The following SLC25A31 variants were observed in gnomAD, a reference collection of about 807,000 sequenced individuals.
SLC25A31 encodes solute carrier family 25 member 31, also known as ADP/ATP translocase 4.
In SLC25A31, 40 loss-of-function variants were observed where a neutral mutation model predicts 36.2. The observed-to-expected ratio is 1.10, with a 90% CI of 0.86 to 1.44. The LOEUF is 1.44. Ranked by LOEUF, SLC25A31 falls within the 40% of genes most tolerant of loss-of-function variation. SLC25A31 has a pLI of 0.00. For missense variants in SLC25A31, 350 were observed against 397.1 expected, an observed-to-expected ratio of 0.88 and a Z score of 1.01; for synonymous variants, 143 against 149.7, an observed-to-expected ratio of 0.96 and a Z score of 0.32.
intron 2 of SLC25A31, among the ~76,000 whole-genome samples, chr4:127,758,153 G>A (rs376703405): frequency 3.3e-5 from 5 of 152,046 alleles, no homozygotes; most frequent in Admixed American, 6.5e-5. Flanking sequence ...CACCACCCCC[G>A]GGTCCTTCCC....
At chr4:127,769,136 G>GTTAT in intron 5 of SLC25A31, among the ~76,000 whole-genome samples, 1 of 152,242 alleles carries the variant, frequency 6.6e-6, no homozygotes, top group Non-Finnish European at 1.5e-5. Context: ...AAGGTAGAGG[G>GTTAT]TTATGGCAGA....
chr4:127,731,722 G>T (rs1281684158), intron 1 of SLC25A31, among the ~76,000 whole-genome samples: 2 of 151,696 alleles, frequency 1.3e-5, no homozygotes, highest in South Asian at 2.1e-4. Context: ...TTCCGTTTCC[G>T]AAGCCCCTCT....
chr4:127,766,524 G>T (rs1044901459), intron 3 of SLC25A31, among the ~76,000 whole-genome samples: 1 of 152,004 alleles, frequency 6.6e-6, no homozygotes, highest in African/African-American at 2.4e-5. Context: ...TAGAGACAGG[G>T]TCTTACTCTG....
In SLC25A31 at chr4:127,773,542, G is replaced by T. The variant is rs577470030; in HGVS notation, c.916G>T (p.Glu306Ter). The change falls in exon 6 of 6, where the codon GAA becomes TAA. Residue 306 changes from glutamate (E) to a stop codon, truncating the protein, a stop_gained. Coordinates refer to ENST00000281154, the MANE Select transcript of SLC25A31 (RefSeq NM_031291.4). LOFTEE classifies it high-confidence loss of function. The stretch of plus-strand genomic sequence containing the variant: ...GTTGGTATTATATGATAAAATTAAA[G>T]AATTCTTTCATATTGATATTGGTGG... ...LVLVLYDKIK[E>*]FFHIDIGGR is the part of the protein sequence containing the mutation. The T allele has an allele frequency of 2.7e-5, 44 of 1,601,716 alleles. No homozygotes were observed. The South Asian group carries it at 4.5e-4, about 17-fold the overall frequency.
intron 2 of SLC25A31, among the ~76,000 whole-genome samples, chr4:127,754,503 TA>T (rs1417944752): frequency 4.0e-5 from 6 of 150,268 alleles, no homozygotes; most frequent in Non-Finnish European, 8.9e-5. Context: ...TGAATTCTTT[TA>T]ACAAGAAATA....
At chr4:127,749,088 A>G (rs1026634235) in intron 2 of SLC25A31, among the ~76,000 whole-genome samples, 2 of 151,958 alleles carry the variant, frequency 1.3e-5, no homozygotes, top group African/African-American at 4.8e-5. Context: ...AAAAAAAAAA[A>G]CAGAACAAAA....
chr4:127,748,084 G>A (rs941988163), intron 2 of SLC25A31, among the ~76,000 whole-genome samples: 16 of 152,146 alleles, frequency 1.1e-4, no homozygotes, highest in African/African-American at 3.6e-4. Context: ...TATCATAGGC[G>A]TGGAATGTGA....
chr4:127,741,511 A>G (rs1731731746), intron 1 of SLC25A31, among the ~76,000 whole-genome samples: 1 of 152,200 alleles, frequency 6.6e-6, no homozygotes, highest in Non-Finnish European at 1.5e-5. Context: ...AATGCGGTAT[A>G]TGACATTTAC....
At chr4:127,735,726 TTAATGTATACTA>T (rs1731611586) in intron 1 of SLC25A31, among the ~76,000 whole-genome samples, 1 of 151,322 alleles carries the variant, frequency 6.6e-6, no homozygotes, top group Non-Finnish European at 1.5e-5. Flanking sequence ...ATATAATTTA[TTAATGTATACTA>T]TTTGGAAGTC....
At chr4:127,751,000 C>CTT (rs762609901) in intron 2 of SLC25A31, among the ~76,000 whole-genome samples, 7 of 152,250 alleles carry the variant, frequency 4.6e-5, no homozygotes, top group Non-Finnish European at 8.8e-5. Flanking sequence ...AAGAGGCTTA[C>CTT]TTTAGCCTTA....
chr4:127,773,687 T>A lies in SLC25A31; in HGVS notation c.*113T>A. 1.2e-6 allele frequency: 1 copy of A among 809,416 alleles called. No homozygotes were observed. The highest frequency in any genetic ancestry group is 1.8e-6 in the Non-Finnish European group (1 of 559,390). The allele number at this position is 809,416 out of a possible 1,614,324, so 50.1% of individuals were successfully genotyped here. A position where few individuals can be genotyped will look rare whatever the true frequency, so the allele number is the denominator to read the frequency against. On this transcript the variant is annotated 3_prime_UTR_variant, in exon 6 of 6. Transcript: ENST00000281154. ...TATTGTCTGTATTTTGTTAAAGTGC[T>A]AGTTCTGCAATAAAGCATACATTTT...
chr4:127,753,889 AG>A (rs1333001761), intron 2 of SLC25A31, among the ~76,000 whole-genome samples: 30 of 152,130 alleles, frequency 2.0e-4, no homozygotes, highest in Admixed American at 9.8e-4. Flanking sequence ...CAGCGTCCCT[AG>A]TGAACAAACA....
rs751939242 is a variant in SLC25A31, at chr4:127,730,549, C to A, written c.4C>A (p.His2Asn). The A allele has an allele frequency of 1.2e-6, 2 of 1,613,318 alleles. No homozygotes were observed. The highest frequency in any genetic ancestry group is 3.3e-5 in the Admixed American group (2 of 60,020). M[H>N]REPAKKKAEK... Reference sequence around the variant, plus strand: ...GGTTTTTATATCCTTCTCCATCATGCATCGTGAGCCTGCGAAAAAGAAGGC... The same window carrying A: ...GGTTTTTATATCCTTCTCCATCATGAATCGTGAGCCTGCGAAAAAGAAGGC... Residue 2 changes from histidine to asparagine, a missense_variant, in exon 1 of 6, where the codon CAT (histidine) becomes AAT (asparagine). Coordinates refer to ENST00000281154, the MANE Select transcript of SLC25A31 (RefSeq NM_031291.4).
intron 2 of SLC25A31, among the ~76,000 whole-genome samples, chr4:127,746,114 A>C (rs923900299): frequency 6.6e-6 from 1 of 152,146 alleles, no homozygotes; most frequent in African/African-American, 2.4e-5. Context: ...AACTCTGTTC[A>C]TGTTCCCACA....
chr4:127,757,288 T>C (rs1448004280), intron 2 of SLC25A31, among the ~76,000 whole-genome samples: 1 of 152,198 alleles, frequency 6.6e-6, no homozygotes, highest in African/African-American at 2.4e-5. Flanking sequence ...TCCCCCACTT[T>C]CCTCCCTGCT....
intron 2 of SLC25A31, among the ~76,000 whole-genome samples, chr4:127,756,685 T>C (rs1193671270): frequency 6.6e-6 from 1 of 152,190 alleles, no homozygotes; most frequent in Non-Finnish European, 1.5e-5. Flanking sequence ...ACCCCATAAA[T>C]ATATACAATT....
At position 127,767,240 on chromosome 4, in the gene SLC25A31, T is replaced by C. The variant is rs1456162228; in HGVS notation, c.633+20T>C. On this transcript the variant is annotated intron_variant, in intron 4 of 5. Coordinates refer to ENST00000281154, the MANE Select transcript of SLC25A31 (RefSeq NM_031291.4). ...GTTAAGGTAATCTGGGGGCTTTAAC[T>C]TGGACATATTAAATATATGGTTTCC... 1 of 1,489,062 alleles carries C rather than the reference T, an allele frequency of 6.7e-7. No homozygotes were observed. The highest frequency in any genetic ancestry group is 9.0e-7 in the Non-Finnish European group (1 of 1,117,000). 92.2% of individuals were successfully genotyped at this position (1,489,062 alleles called of 1,614,324 possible).
At position 127,744,559 on chromosome 4, in the gene SLC25A31, T is replaced by C. The variant is rs1402932962; in HGVS notation, c.233-113T>C. 6.4e-6 allele frequency: 6 copies of C among 937,866 alleles called. No individual in the cohort carries two copies. In the East Asian group the frequency reaches 1.7e-4, roughly 27 times the overall value. 58.1% of individuals were successfully genotyped at this position (937,866 alleles called of 1,614,324 possible). On this transcript the variant is annotated intron_variant, in intron 1 of 5. Coordinates refer to ENST00000281154, the MANE Select transcript of SLC25A31 (RefSeq NM_031291.4). ...CACACATTTTAGAAAACTTTATTTT[T>C]CTCATAAGAAAGAGTATGTTTTAGA...
intron 2 of SLC25A31, among the ~76,000 whole-genome samples, chr4:127,757,870 G>T (rs77445552): frequency 2.0e-5 from 3 of 152,216 alleles, no homozygotes; most frequent in Non-Finnish European, 4.4e-5. Flanking sequence ...TTTCTCTGAT[G>T]ATTAGTGTAT....
Sources: gnomAD v4.1 joint callset for allele counts (sites outside exome capture counted in the v4.1 genomes callset) on GRCh38, gnomAD v4.1.1 for gene constraint, MANE v1.5 for transcripts, NCBI Gene and HGNC (gene_info 2026-07-23, HGNC 2026-07-21) for gene names.